The following FGF14 variants were observed in gnomAD, a reference collection of about 807,000 sequenced individuals.
FGF14 encodes fibroblast growth factor homologous factor 4.
A neutral mutation model predicts 25.5 loss-of-function variants in FGF14; 5 were observed. The ratio of observed to expected loss-of-function variants is 0.20; its 90% CI spans 0.10 to 0.41. The LOEUF (loss-of-function observed/expected upper bound fraction) is 0.41, where lower values mean the gene tolerates loss of function less well. Among genes scored for constraint, FGF14 ranks in the 10% least tolerant of loss-of-function variants. The pLI is 1.00. For synonymous variants in FGF14, 138 were observed against 118.3 expected, an observed-to-expected ratio of 1.17 and a Z score of -1.08; for missense variants, 222 against 320.1, an observed-to-expected ratio of 0.69 and a Z score of 2.34.
intron 1 of FGF14, among the ~76,000 whole-genome samples, chr13:102,032,735 C>G (rs556348635): frequency 6.6e-6 from 1 of 152,128 alleles, no homozygotes; most frequent in East Asian, 1.9e-4. Flanking sequence ...AGGAACAACA[C>G]TGACCCTTGC....
At chr13:101,820,803 CA>C (rs2042096396) in intron 3 of FGF14, among the ~76,000 whole-genome samples, 1 of 71,664 alleles carries the variant, frequency 1.4e-5, no homozygotes, top group South Asian at 6.8e-4. Context: ...CACACACACA[CA>C]CAACACACAC....
At position 102,146,457 on chromosome 13, in the gene FGF14, A is replaced by T. The variant is rs184697281; in HGVS notation, c.208+255014T>A. On this transcript the variant is annotated intron_variant, in intron 1 of 4. Transcript: ENST00000376131. Reference sequence around the variant, plus strand: ...TGTGCAAGAGAACTTAAATACAGCAATATGTCATTACTTTCCTAATTCGTT... The same window carrying T: ...TGTGCAAGAGAACTTAAATACAGCATTATGTCATTACTTTCCTAATTCGTT... Among the ~76,000 whole-genome samples the T allele has an allele frequency of 1.8e-4, 27 of 152,336 alleles. 1 individual carries two copies. The East Asian group carries it at 4.8e-3, about 27-fold the overall frequency.
chr13:102,075,524 C>T (rs1056735568), intron 1 of FGF14, among the ~76,000 whole-genome samples: 1 of 152,180 alleles, frequency 6.6e-6, no homozygotes, highest in African/African-American at 2.4e-5. Flanking sequence ...ATATGTAACA[C>T]ATGCAATTAT....
intron 2 of FGF14, among the ~76,000 whole-genome samples, chr13:101,871,005 T>TACATACATAA (rs2045043178): frequency 6.6e-6 from 1 of 151,802 alleles, no homozygotes; most frequent in East Asian, 1.9e-4. Context: ...CATACATACA[T>TACATACATAA]AAAACAAGGT....
At chr13:101,851,156 T>C (rs759148709) in intron 3 of FGF14, among the ~76,000 whole-genome samples, 4 of 151,888 alleles carry the variant, frequency 2.6e-5, no homozygotes, top group Non-Finnish European at 4.4e-5. Context: ...TGGGCCCTAA[T>C]CCAATATGTC....
At chr13:102,022,444 A>C (rs955170007) in intron 1 of FGF14, among the ~76,000 whole-genome samples, 1 of 152,112 alleles carries the variant, frequency 6.6e-6, no homozygotes, top group African/African-American at 2.4e-5. Flanking sequence ...AAACTCGCTC[A>C]AAGAGATGGC....
At chr13:102,306,009 G>C (rs1426908341) in intron 1 of FGF14, among the ~76,000 whole-genome samples, 2 of 152,078 alleles carry the variant, frequency 1.3e-5, no homozygotes, top group African/African-American at 4.8e-5. Flanking sequence ...CACAAATAAA[G>C]CATTTAGCAT....
rs558780314 is a variant in FGF14 at position 102,372,352 on chromosome 13, C to T, written c.208+29119G>A. 2.0e-5 allele frequency among the ~76,000 whole-genome samples: 3 copies of T among 152,164 alleles called. No individual in the cohort carries two copies. The South Asian group carries it at 6.2e-4, about 32-fold the overall frequency. Reference sequence around the variant, plus strand: ...AAAAGTCCCTTGCAACATCTGAGGCCTATTTATACTAACAGAAATCTAGTT... The same window carrying T: ...AAAAGTCCCTTGCAACATCTGAGGCTTATTTATACTAACAGAAATCTAGTT... On this transcript the variant is annotated intron_variant, in intron 1 of 4. Coordinates refer to the FGF14 transcript ENST00000376131.
Position 101,719,841 on chromosome 13 carries a change from T to G in FGF14, c.*2990A>C, listed in dbSNP as rs2034863597. ...AGTAGTGACAGATTGCACTTCTTAC[T>G]TAATAACAGCAAACTTAATTTCTGA... On this transcript the variant is annotated 3_prime_UTR_variant, in exon 5 of 5. Transcript: ENST00000376143. 1.3e-5 allele frequency: 2 copies of G among 151,434 alleles called. No individual in the cohort carries two copies. Among genetic ancestry groups the G allele is most frequent in the South Asian group, 2.1e-4 (1 of 4,802 alleles). The allele number at this position is 151,434 out of a possible 1,614,324, so 9.4% of individuals were successfully genotyped here.
chr13:101,884,612 C>A (rs1268977146), intron 1 of FGF14, among the ~76,000 whole-genome samples: 1 of 151,932 alleles, frequency 6.6e-6, no homozygotes, highest in East Asian at 1.9e-4. Flanking sequence ...AATGAAATGT[C>A]CAATACTCCT....
chr13:101,734,095 A>G (rs2036010625), intron 3 of FGF14, among the ~76,000 whole-genome samples: 1 of 152,060 alleles, frequency 6.6e-6, no homozygotes, highest in Non-Finnish European at 1.5e-5. Context: ...TAGCAACTTC[A>G]TCACCTGGAA....
At chr13:102,010,890 G>T (rs2040043484) in intron 1 of FGF14, among the ~76,000 whole-genome samples, 1 of 152,182 alleles carries the variant, frequency 6.6e-6, no homozygotes, top group Admixed American at 6.5e-5. Flanking sequence ...AAGGATGAGA[G>T]AACGTGGAGA....
At chr13:102,161,638 A>AT (rs1566764930) in intron 1 of FGF14, among the ~76,000 whole-genome samples, 180 of 11,592 alleles carry the variant, frequency 0.016, 17 homozygotes, top group African/African-American at 0.061. Context: ...GAAGAAGAAG[A>AT]AGAAGAAGAA....
At chr13:101,817,857 G>T (rs2041917456) in intron 3 of FGF14, among the ~76,000 whole-genome samples, 2 of 152,132 alleles carry the variant, frequency 1.3e-5, no homozygotes, top group Non-Finnish European at 2.9e-5. Context: ...GTCTCATAGA[G>T]GATTGTCAAG....
At chr13:102,025,731 ATTTATT>A (rs904607978) in intron 1 of FGF14, among the ~76,000 whole-genome samples, 6 of 151,940 alleles carry the variant, frequency 3.9e-5, no homozygotes, top group African/African-American at 1.5e-4. Context: ...CTTTTGTTCA[ATTTATT>A]TTTAAGTGTT....
chr13:102,104,913 G>C (rs2044834067), intron 1 of FGF14, among the ~76,000 whole-genome samples: 1 of 152,168 alleles, frequency 6.6e-6, no homozygotes, highest in Non-Finnish European at 1.5e-5. Flanking sequence ...TATGTACAAA[G>C]ACATAGGGGT....
intron 1 of FGF14, among the ~76,000 whole-genome samples, chr13:102,311,988 T>G (rs563597422): frequency 6.6e-6 from 1 of 152,338 alleles, no homozygotes; most frequent in South Asian, 2.1e-4. Flanking sequence ...TTCATATTTA[T>G]GGGTTAATAA....
intron 3 of FGF14, among the ~76,000 whole-genome samples, chr13:101,760,233 G>C (rs2037929732): frequency 6.6e-6 from 1 of 152,172 alleles, no homozygotes; most frequent in African/African-American, 2.4e-5. Context: ...TTCTTTGAAA[G>C]CATTTCAGTT....
intron 1 of FGF14, among the ~76,000 whole-genome samples, chr13:101,942,301 C>T (rs963598468): frequency 6.6e-6 from 1 of 152,100 alleles, no homozygotes; most frequent in African/African-American, 2.4e-5. Flanking sequence ...TCAGGAAATG[C>T]CTTCTCCTTA....
Sources: allele counts gnomAD v4.1 joint callset (sites outside exome capture counted in the v4.1 genomes callset), GRCh38; gene constraint gnomAD v4.1.1; transcripts MANE v1.5; gene names NCBI Gene and HGNC (gene_info 2026-07-23, HGNC 2026-07-21).